CLDN18: variants seen among roughly 807,000 people sequenced by gnomAD.
The protein encoded by CLDN18 is claudin 18, also known as claudin-18.
CLDN18 carries 20 observed loss-of-function variants against 25.0 expected under a neutral mutation model. The observed-to-expected ratio is 0.80, with a 90% CI of 0.56 to 1.16. The LOEUF (loss-of-function observed/expected upper bound fraction) is 1.16, where lower values mean the gene tolerates loss of function less well. CLDN18 is among the 50% of genes most tolerant of loss of function. The probability of loss-of-function intolerance (pLI) is 0.00; values close to 1 mark genes in which losing one functional copy is unlikely to be tolerated. For missense variants in CLDN18, 297 were observed against 345.4 expected (o/e 0.86, Z 1.11); for synonymous variants, 125 against 135.6 (o/e 0.92, Z 0.54).
At chr3:138,014,501 C>T (rs192685334) in intron 1 of CLDN18, among the ~76,000 whole-genome samples, 68 of 152,112 alleles carry the variant, frequency 4.5e-4, no homozygotes, top group Non-Finnish European at 7.1e-4. Flanking sequence ...AGGGGGAAGT[C>T]GGTGCTGCTC....
upstream of CLDN18, among the ~76,000 whole-genome samples, chr3:138,009,146 G>C (rs1326745376): frequency 6.6e-6 from 1 of 152,166 alleles, no homozygotes; most frequent in Non-Finnish European, 1.5e-5. Context: ...ATCTGAAAAG[G>C]CTCTGGAGTG....
rs1306982848 is a variant in CLDN18 at position 138,032,875 on chromosome 3, C to G, written c.*1734C>G. On this transcript the variant is annotated 3_prime_UTR_variant, in exon 5 of 5. Coordinates refer to ENST00000183605, the MANE Select transcript of CLDN18 (RefSeq NM_016369.4). Reference sequence around the variant, plus strand: ...ACCTTCCCTGAGCTTACATCACTGCCCTTTTGAGCAGAAAGTCTAAATTCC... The same window carrying G: ...ACCTTCCCTGAGCTTACATCACTGCGCTTTTGAGCAGAAAGTCTAAATTCC... The G allele has an allele frequency of 6.6e-6, 1 of 152,216 alleles. No homozygotes were observed. Among genetic ancestry groups the G allele is most frequent in the African/African-American group, 2.4e-5 (1 of 41,422 alleles). 9.4% of individuals were successfully genotyped at this position (152,216 alleles called of 1,614,324 possible). A position where few individuals can be genotyped will look rare whatever the true frequency, so the allele number is the denominator to read the frequency against.
At chr3:138,025,522 C>A (rs1400036709) in intron 3 of CLDN18, among the ~76,000 whole-genome samples, 1 of 152,160 alleles carries the variant, frequency 6.6e-6, no homozygotes, top group Non-Finnish European at 1.5e-5. Flanking sequence ...ATTTTTCCAG[C>A]CACACCAACA....
At chr3:138,000,071 C>A (rs1463108641) in intron 1 of CLDN18, among the ~76,000 whole-genome samples, 1 of 152,160 alleles carries the variant, frequency 6.6e-6, no homozygotes, top group African/African-American at 2.4e-5. Flanking sequence ...AGGGTCAAGA[C>A]TTAGACACAC....
At chr3:138,029,201 A>C (rs560639895) in intron 3 of CLDN18, among the ~76,000 whole-genome samples, 3 of 152,100 alleles carry the variant, frequency 2.0e-5, no homozygotes, top group African/African-American at 7.2e-5. Context: ...GCTAGAGTGC[A>C]ATGGCACAAT....
chr3:138,003,894 C>T (rs190911177), intron 1 of CLDN18, among the ~76,000 whole-genome samples: 106 of 152,162 alleles, frequency 7.0e-4, no homozygotes, highest in South Asian at 1.2e-3. Flanking sequence ...AGTTTAGGCC[C>T]GGCACGGTGA....
upstream of CLDN18, among the ~76,000 whole-genome samples, chr3:138,007,143 T>C (rs993008452): frequency 2.0e-5 from 3 of 152,136 alleles, no homozygotes; most frequent in African/African-American, 7.2e-5. Context: ...ATCAAACCAA[T>C]AGAGCTTTTT....
chr3:138,031,968 A>G lies in CLDN18; in HGVS notation c.*827A>G, dbSNP rs2107891975. On this transcript the variant is annotated 3_prime_UTR_variant, in exon 5 of 5. Coordinates refer to ENST00000183605, the MANE Select transcript of CLDN18 (RefSeq NM_016369.4). ...TAGCCTCACCCCTACATGTGGATAGAAGGAAATGAAAAAATAATTGCTTTG... is the reference window on the plus strand; with the variant it reads ...TAGCCTCACCCCTACATGTGGATAGGAGGAAATGAAAAAATAATTGCTTTG... The G allele has an allele frequency of 6.6e-6, 1 of 152,340 alleles. No homozygotes were observed. Among genetic ancestry groups the G allele is most frequent in the South Asian group, 2.1e-4 (1 of 4,818 alleles). The allele number at this position is 152,340 out of a possible 1,614,324, so 9.4% of individuals were successfully genotyped here.
intron 4 of CLDN18, among the ~76,000 whole-genome samples, chr3:138,030,124 A>C (rs1942370744): frequency 6.6e-6 from 1 of 152,238 alleles, no homozygotes; most frequent in African/African-American, 2.4e-5. Flanking sequence ...TGAAAGAAAA[A>C]TCCATCCTTC....
At position 138,012,905 on chromosome 3, in the gene CLDN18, CAGGA is replaced by C. The variant is rs1942158262; in HGVS notation, c.220+2461_220+2464del. Among the ~76,000 whole-genome samples, 6 of 152,174 alleles carry C rather than the reference CAGGA, an allele frequency of 3.9e-5. No homozygotes were observed. In the South Asian group the frequency reaches 1.2e-3, roughly 32 times the overall value. On this transcript the variant is annotated intron_variant, in intron 1 of 4. Coordinates refer to ENST00000183605, the MANE Select transcript of CLDN18 (RefSeq NM_016369.4). ...AGGAAGAGTCAGGAGGGGAGGAAAT[CAGGA>C]CAGTTTTGCTAAGGGAGTTCTGTTT...
chr3:138,023,551 T>C (rs1026557536), intron 1 of CLDN18, 107 bp from the exon 2 acceptor site: 1 of 1,051,624 alleles, frequency 9.5e-7, no homozygotes, highest in Non-Finnish European at 1.4e-6. Flanking sequence ...CTCTCAGAGG[T>C]TTGGTGCAGG....
In CLDN18 at chr3:138,023,731, C is replaced by G; in HGVS notation, c.294C>G (p.Ile98Met). 6.2e-7 allele frequency: 1 copy of G among 1,614,144 alleles called. No homozygotes were observed. Among genetic ancestry groups the G allele is most frequent in the South Asian group, 1.1e-5 (1 of 91,068 alleles). The change falls in exon 2 of 5, where the codon ATC becomes ATG. Residue 98 changes from isoleucine (I) to methionine (M), a missense_variant. Transcript: ENST00000183605. The stretch of plus-strand genomic sequence containing the variant: ...GTGCCATTGGCCTCCTGGTATCCAT[C>G]TTTGCCCTGAAATGCATCCGCATTG... Reference protein sequence around the residue: ...VLGAIGLLVSIFALKCIRIGS... With the variant: ...VLGAIGLLVSMFALKCIRIGS...
At chr3:138,010,046 A>T, upstream of CLDN18, 1 of 1,057,076 alleles carries the variant, frequency 9.5e-7, no homozygotes, top group Non-Finnish European at 1.3e-6. Context: ...AAATGTAAAA[A>T]TAATGCCCTT....
intron 1 of CLDN18, among the ~76,000 whole-genome samples, chr3:138,001,550 T>A (rs1422122078): frequency 2.6e-5 from 4 of 151,964 alleles, no homozygotes; most frequent in Non-Finnish European, 5.9e-5. Context: ...GCTGGAGAGA[T>A]AGGGAGATGG....
chr3:138,008,099 A>G (rs1446231769), upstream of CLDN18, among the ~76,000 whole-genome samples: 1 of 151,776 alleles, frequency 6.6e-6, no homozygotes, highest in African/African-American at 2.4e-5. Context: ...TTTGCTGGGA[A>G]TAATGCAGTG....
chr3:138,026,127 C>A (rs1016487763), intron 3 of CLDN18, among the ~76,000 whole-genome samples: 1 of 152,140 alleles, frequency 6.6e-6, no homozygotes, highest in African/African-American at 2.4e-5. Context: ...AAGACCTTGG[C>A]AGTAACCTTG....
intron 3 of CLDN18, among the ~76,000 whole-genome samples, chr3:138,027,199 A>C (rs976143205): frequency 2.0e-5 from 3 of 152,236 alleles, no homozygotes; most frequent in African/African-American, 7.2e-5. Flanking sequence ...CCATCTCTGC[A>C]GCTGAGAGGC....
intron 1 of CLDN18, chr3:137,999,159 G>GT: frequency 7.2e-7 from 1 of 1,389,312 alleles, no homozygotes; most frequent in Non-Finnish European, 1.0e-6. Flanking sequence ...GCTCTGTCTG[G>GT]GCACCACGAC....
chr3:138,007,571 T>G (rs953574158), upstream of CLDN18, among the ~76,000 whole-genome samples: 2 of 151,996 alleles, frequency 1.3e-5, no homozygotes, highest in Non-Finnish European at 2.9e-5. Flanking sequence ...GGAGGGAACC[T>G]AGATGATGGG....
Sources: gnomAD v4.1 joint callset for allele counts (sites outside exome capture counted in the v4.1 genomes callset) on GRCh38, gnomAD v4.1.1 for gene constraint, MANE v1.5 for transcripts, NCBI Gene and HGNC (gene_info 2026-07-23, HGNC 2026-07-21) for gene names.